Variants in SLC35F4 observed in about 807,000 individuals in gnomAD.
SLC35F4 encodes solute carrier family 35 member F4.
A neutral mutation model predicts 44.2 loss-of-function variants in SLC35F4; 24 were observed. The ratio of observed to expected loss-of-function variants is 0.54; its 90% CI spans 0.39 to 0.76. The LOEUF (loss-of-function observed/expected upper bound fraction) is 0.76, where lower values mean the gene tolerates loss of function less well. SLC35F4 is among the 30% of genes least tolerant of loss of function. The pLI is 0.00. For missense variants in SLC35F4, 562 were observed against 586.1 expected (o/e 0.96, Z 0.42); for synonymous variants, 238 against 223.6 (o/e 1.06, Z -0.57).
intron 1 of SLC35F4, among the ~76,000 whole-genome samples, chr14:57,890,518 T>C (rs1888738081): frequency 1.3e-5 from 2 of 150,658 alleles, no homozygotes; most frequent in South Asian, 4.2e-4. Flanking sequence ...ACGCTGAATT[T>C]CTTACCCTTT....
chr14:57,863,744 T>C (rs1887876899), intron 1 of SLC35F4, among the ~76,000 whole-genome samples: 1 of 152,208 alleles, frequency 6.6e-6, no homozygotes, highest in Admixed American at 6.5e-5. Flanking sequence ...TAGCAATCTT[T>C]CTCTACTTCC....
intron 1 of SLC35F4, among the ~76,000 whole-genome samples, chr14:57,915,046 T>C (rs1242071558): frequency 9.9e-5 from 15 of 152,204 alleles, no homozygotes; most frequent in Admixed American, 9.8e-4. Flanking sequence ...TCTTTAAGCC[T>C]GCAGACAAAA....
intron 1 of SLC35F4, among the ~76,000 whole-genome samples, chr14:57,824,907 C>G (rs1037641853): frequency 6.6e-6 from 1 of 152,036 alleles, no homozygotes; most frequent in Non-Finnish European, 1.5e-5. Context: ...ATGATATCAT[C>G]TTGATTAATA....
At chr14:57,780,977 T>C (rs1420426061) in intron 1 of SLC35F4, among the ~76,000 whole-genome samples, 1 of 152,090 alleles carries the variant, frequency 6.6e-6, no homozygotes, top group Non-Finnish European at 1.5e-5. Context: ...GAAGAAAATC[T>C]AGGCAATATT....
At chr14:57,917,701 A>C (rs1297188244) in intron 1 of SLC35F4, among the ~76,000 whole-genome samples, 1 of 152,054 alleles carries the variant, frequency 6.6e-6, no homozygotes, top group Non-Finnish European at 1.5e-5. Context: ...CTTCAATTTA[A>C]ATTTTAGATA....
At chr14:57,823,493 A>G (rs1883399999) in intron 1 of SLC35F4, among the ~76,000 whole-genome samples, 1 of 152,204 alleles carries the variant, frequency 6.6e-6, no homozygotes, top group Non-Finnish European at 1.5e-5. Context: ...GGAGTGGCAT[A>G]AATTTGAATC....
chr14:57,680,167 T>C (rs1163236534), intron 1 of SLC35F4, among the ~76,000 whole-genome samples: 1 of 152,100 alleles, frequency 6.6e-6, no homozygotes, highest in East Asian at 1.9e-4. Flanking sequence ...TCAAAAAGCT[T>C]ATCCACCACG....
chr14:57,602,608 A>G (rs964422218), intron 1 of SLC35F4: 2 of 152,186 alleles, frequency 1.3e-5, no homozygotes, highest in African/African-American at 2.4e-5. Context: ...ACAATGCACA[A>G]TAATCATACC....
chr14:57,597,010 G>GA, intron 1 of SLC35F4: 1 of 595,084 alleles, frequency 1.7e-6, no homozygotes. Context: ...TCCTGGAAGC[G>GA]AAAACATTGT....
intron 1 of SLC35F4, among the ~76,000 whole-genome samples, chr14:57,872,767 A>C (rs1270854338): frequency 6.6e-6 from 1 of 152,174 alleles, no homozygotes; most frequent in Non-Finnish European, 1.5e-5. Flanking sequence ...CTTGCCCACA[A>C]GATCGTGCAA....
At position 57,574,896 on chromosome 14, in the gene SLC35F4, GTTC is replaced by G. The variant is rs557808535; in HGVS notation, c.808-2880_808-2878del. On this transcript the variant is annotated intron_variant, in intron 4 of 7. Transcript: ENST00000556826. ...GTCATCAAAGAGGGATTAATACTCT[GTTC>G]TTCTCAACAGAAAAACACAAAACGA... is the stretch of plus-strand genomic sequence containing the variant. 7.2e-4 allele frequency among the ~76,000 whole-genome samples: 106 copies of G among 147,486 alleles called. No homozygotes were observed. In the South Asian group the frequency reaches 9.7e-3, roughly 13 times the overall value.
At chr14:57,683,261 T>G (rs2074963491) in intron 1 of SLC35F4, among the ~76,000 whole-genome samples, 1 of 152,204 alleles carries the variant, frequency 6.6e-6, no homozygotes, top group Non-Finnish European at 1.5e-5. Flanking sequence ...GTCATTTGAA[T>G]TTTTATTTAC....
intron 1 of SLC35F4, among the ~76,000 whole-genome samples, chr14:57,658,729 A>G (rs1253611156): frequency 2.6e-5 from 4 of 152,190 alleles, no homozygotes; most frequent in Non-Finnish European, 5.9e-5. Flanking sequence ...TCAGTAGGCA[A>G]TGCTCTACAG....
intron 1 of SLC35F4, among the ~76,000 whole-genome samples, chr14:57,830,770 C>T (rs1434675572): frequency 6.6e-6 from 1 of 152,114 alleles, no homozygotes; most frequent in Non-Finnish European, 1.5e-5. Flanking sequence ...CAAAAACAGA[C>T]CATGGCTGGA....
At chr14:57,572,053 A>G (rs570914604) in intron 4 of SLC35F4, 34 bp from the exon 5 acceptor site, 13 of 1,594,044 alleles carry the variant, frequency 8.2e-6, no homozygotes, top group Admixed American at 5.2e-5. Context: ...CAGAAAAGCA[A>G]TGATCCCTCT....
chr14:57,739,606 C>T (rs1224573737), intron 1 of SLC35F4, among the ~76,000 whole-genome samples: 1 of 152,144 alleles, frequency 6.6e-6, no homozygotes, highest in Non-Finnish European at 1.5e-5. Context: ...GATCAAACTG[C>T]CGTTTGTGGA....
rs529776560 is a variant in SLC35F4, at chr14:57,681,096, G to A, written c.104-86972C>T. ...CTAAGCAAAAAGAACAAACCTGGAAGCCATCACGCTACTGACTTCAAACTA... is the reference window on the plus strand; with the variant it reads ...CTAAGCAAAAAGAACAAACCTGGAAACCATCACGCTACTGACTTCAAACTA... On this transcript the variant is annotated intron_variant, in intron 1 of 7. Coordinates refer to ENST00000556826, the MANE Select transcript of SLC35F4 (RefSeq NM_001306087.2). Among the ~76,000 whole-genome samples, 6 of 152,218 alleles carry A rather than the reference G, an allele frequency of 3.9e-5. No individual in the cohort carries two copies. The South Asian group carries it at 1.2e-3, about 32-fold the overall frequency.
At chr14:57,588,357 A>ATTTTTTT (rs60172708) in intron 3 of SLC35F4, among the ~76,000 whole-genome samples, 8 of 150,578 alleles carry the variant, frequency 5.3e-5, no homozygotes, top group Non-Finnish European at 7.4e-5. Context: ...TGGTGTCCCT[A>ATTTTTTT]TTTTTTTTTC....
intron 3 of SLC35F4, 52 bp from the exon 4 acceptor site, chr14:57,581,485 G>C (rs1175005159): frequency 6.7e-7 from 1 of 1,492,322 alleles, no homozygotes. Context: ...GACACCTCTT[G>C]TCTTATCTGA....
Sources: gnomAD v4.1 joint callset for allele counts (sites outside exome capture counted in the v4.1 genomes callset) on GRCh38, gnomAD v4.1.1 for gene constraint, MANE v1.5 for transcripts, NCBI Gene and HGNC (gene_info 2026-07-23, HGNC 2026-07-21) for gene names.